ANKS1B: variants seen among roughly 807,000 people sequenced by gnomAD.
ANKS1B encodes ankyrin repeat and sterile alpha motif domain containing 1B, also known as ankyrin repeat and sterile alpha motif domain-containing protein 1B.
In ANKS1B, 36 loss-of-function variants were observed where a neutral mutation model predicts 148.3. That is an observed-to-expected ratio of 0.24 (90% confidence interval 0.19 to 0.32). The LOEUF (loss-of-function observed/expected upper bound fraction) is 0.32. Ranked by LOEUF, ANKS1B falls within the 10% of genes least tolerant of loss-of-function variation. ANKS1B has a pLI of 1.00. For missense variants in ANKS1B, 1,157 were observed against 1,542.6 expected (o/e 0.75, Z 4.19); for synonymous variants, 542 against 560.8 (o/e 0.97, Z 0.47).
chr12:99,317,078 G>C (rs1337811714), intron 12 of ANKS1B, among the ~76,000 whole-genome samples: 1 of 152,178 alleles, frequency 6.6e-6, no homozygotes, highest in African/African-American at 2.4e-5. Flanking sequence ...TAGCCTTGTA[G>C]TATAATTTGA....
rs1000862691 is a variant in ANKS1B, at chr12:99,820,473, C to T, written c.215+4836G>A. Among the ~76,000 whole-genome samples, 58 of 151,820 alleles carry T rather than the reference C, an allele frequency of 3.8e-4. 1 individual carries two copies. Among genetic ancestry groups the T allele is most frequent in the Non-Finnish European group, 1.5e-5 (1 of 67,850 alleles). On this transcript the variant is annotated intron_variant, in intron 2 of 26. Coordinates refer to ENST00000683438, the MANE Select transcript of ANKS1B (RefSeq NM_001352186.2). Reference sequence around the variant, plus strand: ...GGCTTTATGATTCTATGAACTTTAGCCTACCAATTATAATGTTTATGGAAA... The same window carrying T: ...GGCTTTATGATTCTATGAACTTTAGTCTACCAATTATAATGTTTATGGAAA...
Position 99,660,367 on chromosome 12 carries a change from T to TC in ANKS1B, c.1129-5158_1129-5157insG, listed in dbSNP as rs201200349. Among the ~76,000 whole-genome samples the TC allele has an allele frequency of 4.1e-3, 601 of 146,652 alleles. 4 individuals are homozygous for TC. The highest frequency in any genetic ancestry group is 0.014 in the African/African-American group (561 of 39,756). On this transcript the variant is annotated intron_variant, in intron 8 of 26. Transcript: ENST00000683438. ...TTTATCTTTCTTTTTCTTTTTCTTTTTTTTTTTTTTTTTTGAGGTGGAGTC... is the reference window on the plus strand; with the variant it reads ...TTTATCTTTCTTTTTCTTTTTCTTTTCTTTTTTTTTTTTTTGAGGTGGAGTC...
intron 25 of ANKS1B, among the ~76,000 whole-genome samples, chr12:98,755,777 T>C: frequency 6.6e-6 from 1 of 152,150 alleles, no homozygotes; most frequent in Admixed American, 6.5e-5. Context: ...ACCCAATATC[T>C]GTGCTCAAAA....
intron 22 of ANKS1B, among the ~76,000 whole-genome samples, chr12:98,784,790 G>A (rs949459114): frequency 6.6e-6 from 1 of 152,164 alleles, no homozygotes; most frequent in African/African-American, 2.4e-5. Flanking sequence ...ATGAAGGATA[G>A]TCATTTCTTT....
chr12:99,406,891 C>T lies in ANKS1B; in HGVS notation c.1576-7080G>A, dbSNP rs142700270. ...GAGGCTCCTAGGAGCAAGCAGTAGTCTCCCAGCAAAGAAAAGCCCAGGATC... is the reference window on the plus strand; with the variant it reads ...GAGGCTCCTAGGAGCAAGCAGTAGTTTCCCAGCAAAGAAAAGCCCAGGATC... On this transcript the variant is annotated intron_variant, in intron 11 of 26. Coordinates refer to ENST00000683438, the MANE Select transcript of ANKS1B (RefSeq NM_001352186.2). Among the ~76,000 whole-genome samples the T allele has an allele frequency of 6.2e-5, 9 of 145,670 alleles. No homozygotes were observed. The East Asian group carries it at 1.5e-3, about 25-fold the overall frequency.
rs371598252 is a variant in ANKS1B, at chr12:99,518,367, T to C, written c.1273-13726A>G. Among the ~76,000 whole-genome samples, 21 of 152,290 alleles carry C rather than the reference T, an allele frequency of 1.4e-4. No individual in the cohort carries two copies. The East Asian group carries it at 3.7e-3, about 27-fold the overall frequency. Reference sequence around the variant, plus strand: ...AGGCTTTTATTTGCTGGGAGACTTTTTATTACACCTTCAATCTCATTACTT... The same window carrying C: ...AGGCTTTTATTTGCTGGGAGACTTTCTATTACACCTTCAATCTCATTACTT... On this transcript the variant is annotated intron_variant, in intron 9 of 26. Coordinates refer to ENST00000683438, the MANE Select transcript of ANKS1B (RefSeq NM_001352186.2).
At chr12:99,246,165 G>A in intron 13 of ANKS1B, 110 bp downstream of exon 13, 1 of 781,288 alleles carries the variant, frequency 1.3e-6, no homozygotes, top group Non-Finnish European at 1.9e-6. Flanking sequence ...GGAGCCGTAT[G>A]CTTTTTTTTT....
At chr12:98,828,545 G>A (rs1482484908) in intron 19 of ANKS1B, among the ~76,000 whole-genome samples, 1 of 152,214 alleles carries the variant, frequency 6.6e-6, no homozygotes, top group Non-Finnish European at 1.5e-5. Context: ...ATTAAGAACA[G>A]CGCCACTGTT....
At chr12:98,816,554 A>G (rs890846914) in intron 19 of ANKS1B, among the ~76,000 whole-genome samples, 9 of 152,160 alleles carry the variant, frequency 5.9e-5, no homozygotes, top group South Asian at 2.1e-4. Flanking sequence ...GGCCTCCCAA[A>G]GTACTGGGAT....
chr12:99,223,072 T>C (rs1438056504), intron 14 of ANKS1B, among the ~76,000 whole-genome samples: 2 of 152,228 alleles, frequency 1.3e-5, no homozygotes, highest in Non-Finnish European at 2.9e-5. Context: ...GCATTTTTCC[T>C]AGAATTGGCC....
intron 17 of ANKS1B, among the ~76,000 whole-genome samples, chr12:98,874,362 G>A (rs560913909): frequency 1.3e-5 from 2 of 152,302 alleles, no homozygotes; most frequent in South Asian, 2.1e-4. Context: ...AGGATTACTA[G>A]TTTAAGGGAG....
chr12:98,971,024 C>T (rs562120601), intron 17 of ANKS1B, among the ~76,000 whole-genome samples: 1 of 152,284 alleles, frequency 6.6e-6, no homozygotes, highest in Admixed American at 6.5e-5. Flanking sequence ...AGTTTCTATG[C>T]TGTAAGAGCA....
chr12:99,732,214 C>T (rs967134604), intron 8 of ANKS1B, among the ~76,000 whole-genome samples: 12 of 152,076 alleles, frequency 7.9e-5, no homozygotes, highest in South Asian at 6.2e-4. Flanking sequence ...GAACTTAATA[C>T]GGTACAGCCA....
At chr12:99,531,957 A>G (rs967257127) in intron 9 of ANKS1B, among the ~76,000 whole-genome samples, 4 of 151,968 alleles carry the variant, frequency 2.6e-5, no homozygotes, top group Non-Finnish European at 5.9e-5. Flanking sequence ...ATGATTAGTG[A>G]TATCGAGCAT....
chr12:98,894,711 G>A (rs2099760259), intron 17 of ANKS1B: 7 of 985,562 alleles, frequency 7.1e-6, no homozygotes, highest in South Asian at 9.4e-5. Flanking sequence ...CATGTGGCTT[G>A]AACCTCCGCT....
At chr12:99,712,021 A>T (rs185990921) in intron 8 of ANKS1B, among the ~76,000 whole-genome samples, 1 of 152,342 alleles carries the variant, frequency 6.6e-6, no homozygotes, top group Non-Finnish European at 1.5e-5. Flanking sequence ...GTCATAAAAA[A>T]TAATGAGATC....
intron 7 of ANKS1B, among the ~76,000 whole-genome samples, chr12:99,774,765 T>C (rs2063498432): frequency 6.6e-6 from 1 of 151,976 alleles, no homozygotes; most frequent in Admixed American, 6.6e-5. Flanking sequence ...ATAAATAAAA[T>C]GCAATGTGTG....
intron 17 of ANKS1B, among the ~76,000 whole-genome samples, chr12:98,921,685 C>T (rs2099801642): frequency 6.6e-6 from 1 of 152,060 alleles, no homozygotes; most frequent in Non-Finnish European, 1.5e-5. Flanking sequence ...GATCTGTTTG[C>T]CTGCTTTGGC....
At chr12:98,930,920 G>A (rs1015042894) in intron 17 of ANKS1B, among the ~76,000 whole-genome samples, 1 of 151,972 alleles carries the variant, frequency 6.6e-6, no homozygotes. Flanking sequence ...AAATAATGTG[G>A]TGTAAATCTG....
Sources: allele counts gnomAD v4.1 joint callset (sites outside exome capture counted in the v4.1 genomes callset), GRCh38; gene constraint gnomAD v4.1.1; transcripts MANE v1.5; gene names NCBI Gene and HGNC (gene_info 2026-07-23, HGNC 2026-07-21).